Variants in PTPRD observed in about 807,000 individuals in gnomAD.
The protein encoded by PTPRD is receptor-type tyrosine-protein phosphatase delta.
PTPRD carries 34 observed loss-of-function variants against 214.5 expected under a neutral mutation model. The observed-to-expected ratio is 0.16, with a 90% CI of 0.12 to 0.21. The LOEUF (loss-of-function observed/expected upper bound fraction) is 0.21, where lower values mean the gene tolerates loss of function less well. Ranked by LOEUF, PTPRD falls within the 10% of genes least tolerant of loss-of-function variation. The pLI, the probability that PTPRD is intolerant of heterozygous loss-of-function variation, is 1.00. For missense variants in PTPRD, 2,545 were observed against 2,398.7 expected, an observed-to-expected ratio of 1.06 and a Z score of -1.27; for synonymous variants, 1,128 against 845.7, an observed-to-expected ratio of 1.33 and a Z score of -5.79.
intron 9 of PTPRD, among the ~76,000 whole-genome samples, chr9:9,343,870 A>C (rs2047787739): frequency 6.6e-6 from 1 of 152,064 alleles, no homozygotes; most frequent in Non-Finnish European, 1.5e-5. Flanking sequence ...TCCTGGGTGA[A>C]ATTCTTTAGG....
chr9:10,057,810 C>G (rs2097685080), intron 3 of PTPRD, among the ~76,000 whole-genome samples: 2 of 150,684 alleles, frequency 1.3e-5, no homozygotes, highest in South Asian at 4.2e-4. Flanking sequence ...CAACTGCCCT[C>G]CAGCCTGGGC....
intron 12 of PTPRD, among the ~76,000 whole-genome samples, chr9:8,688,462 G>A (rs1458204309): frequency 6.6e-6 from 1 of 151,948 alleles, no homozygotes; most frequent in East Asian, 1.9e-4. Context: ...CTACTCAGGA[G>A]GCTGAGGGAG....
intron 9 of PTPRD, among the ~76,000 whole-genome samples, chr9:9,204,819 C>G (rs1018563325): frequency 3.3e-5 from 5 of 152,028 alleles, no homozygotes; most frequent in African/African-American, 1.2e-4. Context: ...CAAAAGAAAC[C>G]TATCAGAACC....
chr9:10,521,900 T>G (rs1189132769), intron 2 of PTPRD, among the ~76,000 whole-genome samples: 1 of 152,154 alleles, frequency 6.6e-6, no homozygotes, highest in African/African-American at 2.4e-5. Context: ...CCAAAAAATA[T>G]GTACAATGTG....
At chr9:10,040,707 T>C (rs2097281673) in intron 3 of PTPRD, among the ~76,000 whole-genome samples, 2 of 152,050 alleles carry the variant, frequency 1.3e-5, no homozygotes, top group Non-Finnish European at 1.5e-5. Context: ...AAGAAAAGAT[T>C]CTTTTAAAAA....
chr9:8,506,122 C>T (rs2097538575), intron 22 of PTPRD, among the ~76,000 whole-genome samples: 3 of 152,178 alleles, frequency 2.0e-5, no homozygotes, highest in Admixed American at 2.0e-4. Flanking sequence ...TTTACAAGAA[C>T]ATATTAATTT....
At chr9:8,525,377 T>C (rs1438554450) in intron 17 of PTPRD, among the ~76,000 whole-genome samples, 2 of 152,088 alleles carry the variant, frequency 1.3e-5, no homozygotes, top group Non-Finnish European at 2.9e-5. Context: ...AAACAAAAGA[T>C]TAATTTTTGG....
At chr9:9,745,327 A>C (rs1217302124) in intron 6 of PTPRD, among the ~76,000 whole-genome samples, 2 of 152,128 alleles carry the variant, frequency 1.3e-5, no homozygotes, top group African/African-American at 4.8e-5. Flanking sequence ...AAATTCAGTA[A>C]TTCTGACTAC....
chr9:8,724,018 G>C (rs1461643082), intron 12 of PTPRD, among the ~76,000 whole-genome samples: 1 of 152,120 alleles, frequency 6.6e-6, no homozygotes, highest in African/African-American at 2.4e-5. Context: ...TTTTATGAGA[G>C]AACAAAGCTA....
At chr9:9,216,480 CT>C (rs1175808409) in intron 9 of PTPRD, among the ~76,000 whole-genome samples, 1 of 152,152 alleles carries the variant, frequency 6.6e-6, no homozygotes, top group Non-Finnish European at 1.5e-5. Flanking sequence ...TCTATATGCC[CT>C]TTCTTCTTTC....
intron 35 of PTPRD, among the ~76,000 whole-genome samples, chr9:8,428,490 T>C (rs955135378): frequency 1.6e-4 from 24 of 152,186 alleles, no homozygotes; most frequent in Non-Finnish European, 3.2e-4. Flanking sequence ...CTCTTGTGAC[T>C]CATATGTCAA....
In PTPRD at chr9:9,219,692, T is replaced by G. The variant is rs549111885; in HGVS notation, c.-202-36329A>C. On this transcript the variant is annotated intron_variant, in intron 9 of 45. Transcript: ENST00000381196. ...CAAACTTGATTCTCTGGTGGAAGGA[T>G]TAGACATTGAGCACAAGTAAACCTT... 2.0e-5 allele frequency among the ~76,000 whole-genome samples: 3 copies of G among 152,270 alleles called. No homozygotes were observed. In the East Asian group the frequency reaches 5.8e-4, roughly 29 times the overall value.
At chr9:8,792,280 C>A (rs976511593) in intron 11 of PTPRD, among the ~76,000 whole-genome samples, 2 of 152,128 alleles carry the variant, frequency 1.3e-5, no homozygotes, top group African/African-American at 2.4e-5. Context: ...GATGTCTCCA[C>A]AAATTGGATG....
chr9:8,791,351 G>T (rs975865862), intron 11 of PTPRD, among the ~76,000 whole-genome samples: 2 of 151,656 alleles, frequency 1.3e-5, no homozygotes, highest in African/African-American at 4.8e-5. Context: ...TTAGCCTCCT[G>T]AGTAGCTGGG....
intron 11 of PTPRD, among the ~76,000 whole-genome samples, chr9:8,895,897 A>C (rs144694681): frequency 3.3e-4 from 51 of 152,326 alleles, no homozygotes; most frequent in African/African-American, 1.2e-3. Context: ...GCCGAATAGC[A>C]CTTGTTAATT....
chr9:10,516,537 T>C (rs2134007135), intron 2 of PTPRD, among the ~76,000 whole-genome samples: 1 of 152,136 alleles, frequency 6.6e-6, no homozygotes, highest in East Asian at 1.9e-4. Flanking sequence ...TTTCACTCTG[T>C]TGATTGCTCT....
intron 3 of PTPRD, among the ~76,000 whole-genome samples, chr9:10,088,643 C>T (rs1360818751): frequency 6.6e-6 from 1 of 151,660 alleles, no homozygotes; most frequent in African/African-American, 2.4e-5. Flanking sequence ...GGGCAGTAGT[C>T]AAGTATTACT....
intron 43 of PTPRD, among the ~76,000 whole-genome samples, chr9:8,338,378 C>G (rs1322399319): frequency 6.6e-6 from 1 of 152,094 alleles, no homozygotes; most frequent in Non-Finnish European, 1.5e-5. Context: ...GAGCACAGCT[C>G]TCATGGACAG....
At chr9:10,516,445 G>T (rs1200908873) in intron 2 of PTPRD, among the ~76,000 whole-genome samples, 2 of 151,656 alleles carry the variant, frequency 1.3e-5, no homozygotes, top group Non-Finnish European at 3.0e-5. Flanking sequence ...ATGAGCTGTA[G>T]GAGTTCCTTA....
Sources: gnomAD v4.1 joint callset for allele counts (sites outside exome capture counted in the v4.1 genomes callset) on GRCh38, gnomAD v4.1.1 for gene constraint, MANE v1.5 for transcripts, NCBI Gene and HGNC (gene_info 2026-07-23, HGNC 2026-07-21) for gene names.